Variants in CDH18 observed in about 807,000 individuals in gnomAD.
CDH18 encodes the protein cadherin-18.
In CDH18, 31 loss-of-function variants were observed where a neutral mutation model predicts 67.9. That is an observed-to-expected ratio of 0.46 (90% confidence interval 0.34 to 0.62). The LOEUF is 0.62. Among genes scored for constraint, CDH18 ranks in the 20% least tolerant of loss-of-function variants. The pLI, the probability that CDH18 is intolerant of heterozygous loss-of-function variation, is 0.01. For missense variants in CDH18, 890 were observed against 975.5 expected (o/e 0.91, Z 1.17); for synonymous variants, 362 against 347.2 (o/e 1.04, Z -0.48).
At chr5:19,482,116 T>A (rs1397809625) in intron 12 of CDH18, among the ~76,000 whole-genome samples, 1 of 151,942 alleles carries the variant, frequency 6.6e-6, no homozygotes, top group African/African-American at 2.4e-5. Flanking sequence ...TATTTTATTT[T>A]ATTATTATTA....
At chr5:20,156,969 T>A (rs1215849636) in intron 2 of CDH18, among the ~76,000 whole-genome samples, 1 of 152,174 alleles carries the variant, frequency 6.6e-6, no homozygotes, top group African/African-American at 2.4e-5. Flanking sequence ...CTCCACCAGA[T>A]GCCTGGAATG....
At chr5:20,484,521 G>A (rs1219801537) in intron 1 of CDH18, among the ~76,000 whole-genome samples, 2 of 151,958 alleles carry the variant, frequency 1.3e-5, no homozygotes, top group African/African-American at 2.4e-5. Flanking sequence ...AAGATTTGAA[G>A]GCAGCCTATG....
chr5:19,794,983 C>G (rs1013162227), intron 3 of CDH18, among the ~76,000 whole-genome samples: 1 of 151,950 alleles, frequency 6.6e-6, no homozygotes, highest in Non-Finnish European at 1.5e-5. Context: ...TATCTTGTAT[C>G]CCCTGAACCA....
At chr5:20,502,533 T>C (rs747081289) in intron 1 of CDH18, among the ~76,000 whole-genome samples, 8 of 152,204 alleles carry the variant, frequency 5.3e-5, no homozygotes, top group Non-Finnish European at 7.3e-5. Flanking sequence ...CTGAGAAGAC[T>C]TGCTATAAAC....
intron 3 of CDH18, among the ~76,000 whole-genome samples, chr5:19,765,751 G>T (rs912944847): frequency 1.3e-5 from 2 of 151,950 alleles, no homozygotes; most frequent in Non-Finnish European, 2.9e-5. Flanking sequence ...CTAGAGAATG[G>T]GGTTACTCAA....
chr5:20,533,154 C>T (rs1056964549), intron 1 of CDH18, among the ~76,000 whole-genome samples: 2 of 152,038 alleles, frequency 1.3e-5, no homozygotes, highest in South Asian at 2.1e-4. Context: ...ATCCAAATGA[C>T]GCTTCTGCAA....
chr5:20,350,331 C>A lies in CDH18; in HGVS notation c.-579-94826G>T, dbSNP rs144516248. ...AATATATGTGTTTTATGATATGTTT[C>A]AATGGTTCATTTAATTTAATTCAAA... On this transcript the variant is annotated intron_variant, in intron 1 of 14. Coordinates refer to the CDH18 transcript ENST00000507958. Among the ~76,000 whole-genome samples the A allele has an allele frequency of 1.8e-4, 28 of 152,102 alleles. No homozygotes were observed. In the East Asian group the frequency reaches 5.4e-3, roughly 29 times the overall value.
intron 1 of CDH18, among the ~76,000 whole-genome samples, chr5:19,985,080 G>T (rs933597062): frequency 6.6e-6 from 1 of 152,038 alleles, no homozygotes; most frequent in African/African-American, 2.4e-5. Flanking sequence ...AGTGAAATTT[G>T]TCTTCAACCT....
At chr5:19,576,506 T>G in intron 7 of CDH18, among the ~76,000 whole-genome samples, 1 of 152,286 alleles carries the variant, frequency 6.6e-6, no homozygotes, top group East Asian at 1.9e-4. Flanking sequence ...TCAATATCTC[T>G]AAATATCAGA....
intron 6 of CDH18, among the ~76,000 whole-genome samples, chr5:19,611,517 C>T (rs962315432): frequency 2.0e-5 from 3 of 152,112 alleles, no homozygotes; most frequent in South Asian, 4.1e-4. Context: ...CAGTATTCCA[C>T]AGTGTCTAGG....
chr5:20,409,928 T>G (rs532693507), intron 1 of CDH18, among the ~76,000 whole-genome samples: 9 of 151,768 alleles, frequency 5.9e-5, no homozygotes, highest in African/African-American at 2.2e-4. Flanking sequence ...ACAACCTAGC[T>G]AGACTGAATT....
intron 2 of CDH18, among the ~76,000 whole-genome samples, chr5:20,094,210 C>T (rs1292949027): frequency 6.6e-6 from 1 of 152,138 alleles, no homozygotes; most frequent in Non-Finnish European, 1.5e-5. Flanking sequence ...TGATGTTCCT[C>T]CTGTCTAGCC....
At chr5:19,640,866 G>T (rs1022346527) in intron 5 of CDH18, among the ~76,000 whole-genome samples, 1 of 151,896 alleles carries the variant, frequency 6.6e-6, no homozygotes, top group African/African-American at 2.4e-5. Flanking sequence ...ATCAGCTGGA[G>T]AGAAAAAATA....
intron 9 of CDH18, 42 bp from the exon 10 acceptor site, chr5:19,520,820 C>CTT (rs1561257018): frequency 1.9e-6 from 3 of 1,603,728 alleles, no homozygotes; most frequent in South Asian, 1.1e-5. Context: ...TCCATGCACA[C>CTT]TTTAGAGGCT....
At chr5:19,657,302 A>G (rs114868447) in intron 5 of CDH18, among the ~76,000 whole-genome samples, 1,904 of 152,250 alleles carry the variant, frequency 0.013, 38 homozygotes, top group African/African-American at 0.043. Context: ...AAGTTTTAAA[A>G]TCAATTAATC....
intron 3 of CDH18, among the ~76,000 whole-genome samples, chr5:19,826,478 G>A (rs1780413987): frequency 6.6e-6 from 1 of 152,140 alleles, no homozygotes; most frequent in African/African-American, 2.4e-5. Flanking sequence ...CAACTAGAAA[G>A]AAGAGGCAAG....
At chr5:19,573,339 T>C (rs1741765854) in intron 7 of CDH18, among the ~76,000 whole-genome samples, 1 of 151,612 alleles carries the variant, frequency 6.6e-6, no homozygotes, top group Non-Finnish European at 1.5e-5. Flanking sequence ...AGTGCAGTGG[T>C]GAGATCTCGG....
intron 5 of CDH18, among the ~76,000 whole-genome samples, chr5:19,642,496 T>C (rs1250335613): frequency 6.6e-6 from 1 of 151,964 alleles, no homozygotes; most frequent in African/African-American, 2.4e-5. Flanking sequence ...CCAATGGAAC[T>C]GAATAGAGAG....
intron 1 of CDH18, among the ~76,000 whole-genome samples, chr5:20,404,835 C>A (rs1746087281): frequency 1.3e-5 from 2 of 152,048 alleles, no homozygotes; most frequent in Admixed American, 6.6e-5. Flanking sequence ...TGTAAAAGAG[C>A]AATATATGTG....
Sources: allele counts gnomAD v4.1 joint callset (sites outside exome capture counted in the v4.1 genomes callset), GRCh38; gene constraint gnomAD v4.1.1; transcripts MANE v1.5; gene names NCBI Gene and HGNC (gene_info 2026-07-23, HGNC 2026-07-21).